EIF2AK3: variants seen among roughly 807,000 people sequenced by gnomAD.
EIF2AK3 encodes eukaryotic translation initiation factor 2-alpha kinase 3.
Under a neutral mutation model 113.5 loss-of-function variants are expected in EIF2AK3, and 50 were observed. That is an observed-to-expected ratio of 0.44 (90% CI 0.35 to 0.56). EIF2AK3 has a LOEUF of 0.56. EIF2AK3 is among the 20% of genes least tolerant of loss of function. The probability of loss-of-function intolerance (pLI) is 0.00; values close to 1 mark genes in which losing one functional copy is unlikely to be tolerated. For missense variants in EIF2AK3, 1,185 were observed against 1,378.0 expected (o/e 0.86, Z 2.22); for synonymous variants, 448 against 495.4 (o/e 0.90, Z 1.27).
At chr2:88,568,830 C>T (rs1418203029) in intron 14 of EIF2AK3, among the ~76,000 whole-genome samples, 1 of 152,158 alleles carries the variant, frequency 6.6e-6, no homozygotes, top group East Asian at 1.9e-4. Context: ...TCATAGAACA[C>T]CATTTTGACT....
At chr2:88,567,976 C>CA (rs1674186668) in intron 14 of EIF2AK3, among the ~76,000 whole-genome samples, 1 of 151,228 alleles carries the variant, frequency 6.6e-6, no homozygotes, top group Admixed American at 6.6e-5. Context: ...TTTCTTTTTT[C>CA]TTTTTTTTGA....
intron 10 of EIF2AK3, among the ~76,000 whole-genome samples, chr2:88,580,545 T>C (rs1042242573): frequency 2.0e-5 from 3 of 152,180 alleles, no homozygotes; most frequent in Non-Finnish European, 4.4e-5. Context: ...GCCACTGTAT[T>C]TTGGGGGCCA....
chr2:88,621,669 A>G (rs558043234), intron 1 of EIF2AK3, among the ~76,000 whole-genome samples: 9 of 152,276 alleles, frequency 5.9e-5, no homozygotes, highest in African/African-American at 2.2e-4. Flanking sequence ...TAAATCTTCA[A>G]GTCAAACCTC....
rs1673817571 is a variant in EIF2AK3, at chr2:88,557,703, A to G, written c.*33T>C. The stretch of plus-strand genomic sequence containing the variant: ...TTCTAAGAAGTAGGCTATTATCTGC[A>G]TCACCTATTAGGGTTGCTAGCACAA... On this transcript the variant is annotated 3_prime_UTR_variant, in exon 17 of 17. Transcript: ENST00000303236. The G allele has an allele frequency of 1.2e-6, 2 of 1,607,944 alleles. No homozygotes were observed. Among genetic ancestry groups the G allele is most frequent in the Admixed American group, 1.7e-5 (1 of 60,018 alleles).
chr2:88,591,665 C>A (rs949442904), intron 4 of EIF2AK3, among the ~76,000 whole-genome samples: 1 of 152,106 alleles, frequency 6.6e-6, no homozygotes, highest in African/African-American at 2.4e-5. Flanking sequence ...ATAATGTTTC[C>A]TCTATAATTA....
intron 2 of EIF2AK3, among the ~76,000 whole-genome samples, chr2:88,606,931 C>A (rs1014924758): frequency 6.6e-6 from 1 of 151,798 alleles, no homozygotes; most frequent in Non-Finnish European, 1.5e-5. Context: ...TAAGTTTAGA[C>A]GATAGAGTTG....
chr2:88,606,278 T>C (rs1675272306), intron 2 of EIF2AK3, among the ~76,000 whole-genome samples: 1 of 150,296 alleles, frequency 6.7e-6, no homozygotes, highest in African/African-American at 2.5e-5. Flanking sequence ...ACATAAACAA[T>C]GTACATGAAG....
intron 14 of EIF2AK3, among the ~76,000 whole-genome samples, chr2:88,566,591 G>C (rs1041262311): frequency 5.3e-5 from 8 of 152,080 alleles, no homozygotes; most frequent in Admixed American, 2.6e-4. Flanking sequence ...CGTGTGCCAT[G>C]GTGGTTTGCT....
intron 15 of EIF2AK3, among the ~76,000 whole-genome samples, chr2:88,561,780 G>A (rs1461817303): frequency 6.6e-6 from 1 of 152,150 alleles, no homozygotes; most frequent in East Asian, 1.9e-4. Flanking sequence ...GATGGCTTGA[G>A]CCCAGGAGGT....
At chr2:88,613,988 T>C in intron 1 of EIF2AK3, 135 bp from the exon 2 acceptor site, 1 of 735,938 alleles carries the variant, frequency 1.4e-6, no homozygotes, top group East Asian at 2.7e-5. Flanking sequence ...TCTACCACTC[T>C]TGCCACCACT....
intron 2 of EIF2AK3, among the ~76,000 whole-genome samples, chr2:88,607,477 G>T (rs1675308766): frequency 6.6e-6 from 1 of 152,268 alleles, no homozygotes; most frequent in East Asian, 1.9e-4. Flanking sequence ...CACCTTAACG[G>T]TTTTAGCTTG....
intron 2 of EIF2AK3, 55 bp from the exon 3 acceptor site, chr2:88,595,718 C>G (rs1675004518): frequency 1.3e-6 from 2 of 1,489,928 alleles, no homozygotes; most frequent in Non-Finnish European, 1.9e-6. Context: ...TTATTTTTTT[C>G]TTATTTCTCC....
chr2:88,563,836 G>A (rs1360340516), intron 14 of EIF2AK3, among the ~76,000 whole-genome samples: 1 of 151,864 alleles, frequency 6.6e-6, no homozygotes, highest in Admixed American at 6.6e-5. Context: ...CTAAAGTAAG[G>A]TGTATATAGA....
intron 9 of EIF2AK3, among the ~76,000 whole-genome samples, chr2:88,584,039 T>G (rs1674658564): frequency 6.6e-6 from 1 of 152,184 alleles, no homozygotes; most frequent in South Asian, 2.1e-4. Flanking sequence ...TTTACCAACA[T>G]CTCCTAAAAG....
In EIF2AK3 at chr2:88,627,010, C is replaced by T. The variant is rs767999139; in HGVS notation, c.265G>A (p.Gly89Ser). 12 of 1,608,170 alleles carry T rather than the reference C, an allele frequency of 7.5e-6. No homozygotes were observed. In the South Asian group the frequency reaches 1.2e-4, roughly 16 times the overall value. The change falls in exon 1 of 17, where the codon GGT becomes AGT. Residue 89 changes from glycine (G) to serine (S), a missense_variant. This residue lies in a region of EIF2AK3 where 189 missense variants were observed against 175.2 expected (regional missense o/e 1.08). Coordinates refer to ENST00000303236, the MANE Select transcript of EIF2AK3 (RefSeq NM_004836.7). ...TCTGTCTCATCGTCTGGTTCCGGAC[C>T]CCGAGGCTCCTGCTCTCCCGCGGCT... Reference protein sequence around the residue: ...PAAAGEQEPRGPEPDDETELR... With the variant: ...PAAAGEQEPRSPEPDDETELR...
intron 10 of EIF2AK3, 67 bp from the exon 11 acceptor site, chr2:88,579,707 A>G (rs1674550891): frequency 1.4e-6 from 2 of 1,462,026 alleles, no homozygotes; most frequent in Non-Finnish European, 1.9e-6. Flanking sequence ...TGTGAAAATC[A>G]GTTCAATCTT....
Position 88,575,156 on chromosome 2 carries a change from A to T in EIF2AK3, c.2327T>A (p.Met776Lys), listed in dbSNP as rs755197043. 6.2e-7 allele frequency: 1 copy of T among 1,614,030 alleles called. No homozygotes were observed. ...GGAGTGCCCCTCATCATTGCCATCCATAGTCCCATCTTCCACATCACAGTC... is the reference window on the plus strand; with the variant it reads ...GGAGTGCCCCTCATCATTGCCATCCTTAGTCCCATCTTCCACATCACAGTC... ...LTDCDVEDGTMDGNDEGHSFE... is the reference protein window; with the variant it reads ...LTDCDVEDGTKDGNDEGHSFE... Residue 776 changes from methionine to lysine, a missense_variant, in exon 13 of 17, where the codon ATG (methionine) becomes AAG (lysine). Around this residue, in one of 3 missense-constraint regions of EIF2AK3, gnomAD observed 877 missense variants for 1,024.2 expected, o/e 0.86. Coordinates refer to ENST00000303236, the MANE Select transcript of EIF2AK3 (RefSeq NM_004836.7).
At chr2:88,558,069 G>A (rs1286668491) in intron 16 of EIF2AK3, 133 bp from the exon 17 acceptor site, 2 of 828,582 alleles carry the variant, frequency 2.4e-6, no homozygotes, top group Non-Finnish European at 2.0e-6. Context: ...TCAAGTCTCT[G>A]ATACAACTAC....
chr2:88,592,097 C>T (rs1674900652), intron 4 of EIF2AK3, among the ~76,000 whole-genome samples: 2 of 152,002 alleles, frequency 1.3e-5, no homozygotes, highest in African/African-American at 4.8e-5. Context: ...AAGATGGAAT[C>T]TAAAGTTATT....
Sources: gnomAD v4.1 joint callset for allele counts (sites outside exome capture counted in the v4.1 genomes callset) on GRCh38, gnomAD v4.1.1 for gene constraint, gnomAD v4.1.1 regional missense constraint, MANE v1.5 for transcripts, NCBI Gene and HGNC (gene_info 2026-07-23, HGNC 2026-07-21) for gene names.